The following TCN2 variants were observed in gnomAD, a reference collection of about 807,000 sequenced individuals.
The protein encoded by TCN2 is transcobalamin 2.
In TCN2, 34 loss-of-function variants were observed where a neutral mutation model predicts 48.6. That is an observed-to-expected ratio of 0.70 (90% CI 0.53 to 0.93). The LOEUF is 0.93. Ranked by LOEUF, TCN2 falls within the 40% of genes least tolerant of loss-of-function variation. The pLI is 0.00. For missense variants in TCN2, 652 were observed against 526.1 expected (o/e 1.24, Z -2.34); for synonymous variants, 283 against 212.5 (o/e 1.33, Z -2.89).
rs779655163 is a variant in TCN2, at chr22:30,612,997, G to T, written c.382G>T (p.Val128Phe). Reference sequence around the variant, plus strand: ...CAGGGGCCACAAGGGGGACAGGCTGGTCTCACAGCTCAAATGGTTCCTGGA... The same window carrying T: ...CAGGGGCCACAAGGGGGACAGGCTGTTCTCACAGCTCAAATGGTTCCTGGA... ...FVRGHKGDRL[V>F]SQLKWFLEDE... The change falls in exon 3 of 9, where the codon GTC (valine) becomes TTC (phenylalanine). Residue 128 changes from valine (V) to phenylalanine (F), a missense_variant. By Grantham distance (50) the Val-to-Phe change is conservative (BLOSUM62 -1). Coordinates refer to ENST00000215838, the MANE Select transcript of TCN2 (RefSeq NM_000355.4). 6.2e-7 allele frequency: 1 copy of T among 1,614,074 alleles called. No individual in the cohort carries two copies. Among genetic ancestry groups the T allele is most frequent in the African/African-American group, 1.3e-5 (1 of 74,934 alleles).
chr22:30,623,833 T>TATATACACACAC lies in TCN2; in HGVS notation c.1222+753_1222+754insTACACACACATA, dbSNP rs1569046559. Reference sequence around the variant, plus strand: ...ATATATACACACACATACACACACATATACACACACATACATACACATACA... The same window carrying TATATACACACAC: ...ATATATACACACACATACACACACATATATACACACACATACACACACATACATACACATACA... On this transcript the variant is annotated intron_variant, in intron 8 of 8. Coordinates refer to ENST00000215838, the MANE Select transcript of TCN2 (RefSeq NM_000355.4). 2.8e-4 allele frequency among the ~76,000 whole-genome samples: 16 copies of TATATACACACAC among 56,934 alleles called. 7 individuals are homozygous for TATATACACACAC. Among genetic ancestry groups the TATATACACACAC allele is most frequent in the African/African-American group, 2.3e-3 (12 of 5,212 alleles). The allele number at this position is 56,934 out of a possible 152,430, so 37.4% of individuals were successfully genotyped here.
intron 2 of TCN2, among the ~76,000 whole-genome samples, chr22:30,612,167 G>T (rs1226932240): frequency 6.6e-6 from 1 of 152,082 alleles, no homozygotes; most frequent in Admixed American, 6.6e-5. Context: ...ATCTTTTGAG[G>T]CTGAGAAATC....
chr22:30,616,739 TG>T (rs1298525717), intron 6 of TCN2, among the ~76,000 whole-genome samples: 1 of 152,120 alleles, frequency 6.6e-6, no homozygotes, highest in Non-Finnish European at 1.5e-5. Flanking sequence ...AGACAGAGGT[TG>T]CAGTGAGCCG....
chr22:30,623,845 T>TATACAC (rs1569046606), intron 8 of TCN2, among the ~76,000 whole-genome samples: 1 of 71,868 alleles, frequency 1.4e-5, no homozygotes, highest in South Asian at 3.2e-4. Flanking sequence ...TACACACACA[T>TATACAC]ACATACACAT....
chr22:30,614,245 C>T (rs1444243201), intron 3 of TCN2, 104 bp from the exon 4 acceptor site: 6 of 1,470,890 alleles, frequency 4.1e-6, no homozygotes, highest in Non-Finnish European at 4.7e-6. Context: ...ATCCCATGAC[C>T]CAAAAGAGCG....
At chr22:30,625,759 C>T (rs756514521) in intron 8 of TCN2, among the ~76,000 whole-genome samples, 5 of 152,144 alleles carry the variant, frequency 3.3e-5, no homozygotes, top group Non-Finnish European at 5.9e-5. Context: ...CCACCCTGCT[C>T]GGCCTATAAT....
intron 8 of TCN2, among the ~76,000 whole-genome samples, chr22:30,623,538 C>T (rs925509902): frequency 2.6e-5 from 4 of 151,756 alleles, no homozygotes; most frequent in Admixed American, 2.6e-4. Context: ...AGGCATGAGC[C>T]ACCGCACCCA....
chr22:30,611,964 T>G (rs978951784), intron 2 of TCN2, among the ~76,000 whole-genome samples: 2 of 152,080 alleles, frequency 1.3e-5, no homozygotes, highest in African/African-American at 4.8e-5. Flanking sequence ...AGACTAGGCA[T>G]AGTGGCTCAT....
chr22:30,620,171 G>A (rs1249927787), intron 7 of TCN2, among the ~76,000 whole-genome samples: 1 of 151,694 alleles, frequency 6.6e-6, no homozygotes, highest in Non-Finnish European at 1.5e-5. Context: ...AAGACAAAGG[G>A]CTGAGTGTGA....
chr22:30,611,214 A>G lies in TCN2; in HGVS notation c.257+151A>G, dbSNP rs1359185931. The G allele has an allele frequency of 3.2e-6, 3 of 926,034 alleles. 1 individual carries two copies. The Admixed American group carries it at 6.0e-5, about 18-fold the overall frequency. The allele number at this position is 926,034 out of a possible 1,614,324, so 57.4% of individuals were successfully genotyped here. ...TGGAGGACCTTTGTCCATCTATAGA[A>G]TGAAGGGGTTGGTTGGATTAGATCA... On this transcript the variant is annotated intron_variant, in intron 2 of 8. Transcript: ENST00000215838.
At chr22:30,612,750 C>T (rs2087560003) in intron 2 of TCN2, 123 bp from the exon 3 acceptor site, 4 of 1,227,998 alleles carry the variant, frequency 3.3e-6, no homozygotes, top group African/African-American at 3.0e-5. Context: ...CCTTTTGGAG[C>T]TTTTATCAAA....
chr22:30,618,450 C>G (rs2087647594), intron 7 of TCN2, among the ~76,000 whole-genome samples: 1 of 151,172 alleles, frequency 6.6e-6, no homozygotes, highest in Admixed American at 6.6e-5. Flanking sequence ...CTCCTGGGTT[C>G]AAGTGATTGT....
chr22:30,623,158 C>G, intron 8 of TCN2, 75 bp downstream of exon 8: 12 of 1,446,740 alleles, frequency 8.3e-6, no homozygotes, highest in Non-Finnish European at 1.1e-5. Context: ...ATCAACTCAC[C>G]CCAGCTTTCC....
chr22:30,610,987 T>C lies in TCN2; in HGVS notation c.181T>C (p.Ser61Pro). Residue 61 changes from serine to proline, a missense_variant, in exon 2 of 9, where the codon TCC becomes CCC. Coordinates refer to ENST00000215838, the MANE Select transcript of TCN2 (RefSeq NM_000355.4). Reference sequence around the variant, plus strand: ...CAGCATCTATGTGGGCCTACGCCTCTCCAGTCTGCAGGCTGGGACCAAGGA... The same window carrying C: ...CAGCATCTATGTGGGCCTACGCCTCCCCAGTCTGCAGGCTGGGACCAAGGA... Reference protein sequence around the residue: ...NPSIYVGLRLSSLQAGTKEDL... With the variant: ...NPSIYVGLRLPSLQAGTKEDL... 6.2e-7 allele frequency: 1 copy of C among 1,614,192 alleles called. No individual in the cohort carries two copies. Among genetic ancestry groups the C allele is most frequent in the South Asian group, 1.1e-5 (1 of 91,086 alleles).
intron 7 of TCN2, among the ~76,000 whole-genome samples, chr22:30,619,339 C>G (rs1291806018): frequency 6.6e-6 from 1 of 152,238 alleles, no homozygotes; most frequent in Non-Finnish European, 1.5e-5. Flanking sequence ...CTTGGCCTCC[C>G]AAAGTGCTGA....
intron 4 of TCN2, 103 bp downstream of exon 4, chr22:30,614,604 G>A (rs2087587225): frequency 2.0e-6 from 3 of 1,512,220 alleles, no homozygotes; most frequent in Non-Finnish European, 2.7e-6. Context: ...CCTTTCCTTG[G>A]GGCTCCTCCG....
Position 30,615,919 on chromosome 22 carries a change from C to T in TCN2, c.940+132C>T, listed in dbSNP as rs5749135. The T allele has an allele frequency of 0.38, 414,531 of 1,082,794 alleles. 83,260 individuals are homozygous for T. Among genetic ancestry groups the T allele is most frequent in the Non-Finnish European group, 0.42 (297,675 of 716,198 alleles). 67.1% of individuals were successfully genotyped at this position (1,082,794 alleles called of 1,614,324 possible). ...GATTGTGGGTGTGCATGGGACACAGCAGCCAAAATGTGGTCATAGCTTCTA... is the reference window on the plus strand; with the variant it reads ...GATTGTGGGTGTGCATGGGACACAGTAGCCAAAATGTGGTCATAGCTTCTA... On this transcript the variant is annotated intron_variant, in intron 6 of 8. Coordinates refer to ENST00000215838, the MANE Select transcript of TCN2 (RefSeq NM_000355.4).
intron 1 of TCN2, among the ~76,000 whole-genome samples, chr22:30,608,014 C>T (rs574738577): frequency 5.3e-4 from 80 of 152,256 alleles, no homozygotes; most frequent in African/African-American, 1.9e-3. Flanking sequence ...AGTGAGCCTT[C>T]GGAGGTCCTG....
chr22:30,626,041 C>T (rs1390201093), intron 8 of TCN2, among the ~76,000 whole-genome samples: 4 of 152,164 alleles, frequency 2.6e-5, no homozygotes, highest in African/African-American at 4.8e-5. Context: ...AATAACTTGT[C>T]CAGAGTCACA....
Sources: gnomAD v4.1 joint callset for allele counts (sites outside exome capture counted in the v4.1 genomes callset) on GRCh38, gnomAD v4.1.1 for gene constraint, MANE v1.5 for transcripts, NCBI Gene and HGNC (gene_info 2026-07-23, HGNC 2026-07-21) for gene names.